Variants in UPF2 observed in about 807,000 individuals in gnomAD.
The protein encoded by UPF2 is regulator of nonsense transcripts 2.
UPF2 carries 17 observed loss-of-function variants against 141.4 expected under a neutral mutation model. The ratio of observed to expected loss-of-function variants is 0.12; its 90% CI spans 0.08 to 0.18. UPF2 has a LOEUF of 0.18. UPF2 is among the 10% of genes least tolerant of loss of function. The pLI is 1.00. For missense variants in UPF2, 1,152 were observed against 1,515.9 expected (o/e 0.76, Z 3.99); for synonymous variants, 540 against 498.0 (o/e 1.08, Z -1.12).
At chr10:11,988,274 A>C (rs186417273) in intron 8 of UPF2, among the ~76,000 whole-genome samples, 270 of 152,322 alleles carry the variant, frequency 1.8e-3, no homozygotes, top group Non-Finnish European at 2.8e-3. Context: ...AACACAATGT[A>C]AATGCTATAT....
intron 3 of UPF2, among the ~76,000 whole-genome samples, chr10:12,022,647 G>A (rs1220757321): frequency 1.3e-5 from 2 of 152,034 alleles, no homozygotes; most frequent in South Asian, 2.1e-4. Context: ...AAAGTACAGA[G>A]AAGTAACATC....
At chr10:12,002,858 G>C (rs906818512) in intron 5 of UPF2, among the ~76,000 whole-genome samples, 1 of 152,030 alleles carries the variant, frequency 6.6e-6, no homozygotes. Context: ...TAAAATTCTC[G>C]TAAATAAAAA....
intron 3 of UPF2, among the ~76,000 whole-genome samples, chr10:12,020,587 T>A (rs1232310518): frequency 2.6e-5 from 4 of 152,220 alleles, no homozygotes; most frequent in Non-Finnish European, 5.9e-5. Context: ...CATTCAAATG[T>A]CTTTCAGAAA....
rs537983957 is a variant in UPF2, at chr10:11,982,139, T to TATTC, written c.1845-2978_1845-2975dup. On this transcript the variant is annotated intron_variant, in intron 8 of 21. Transcript: ENST00000357604. ...CAAATTTTAGTTAGAATATTAAGGT[T>TATTC]ATTCATTTTCCACATCCATTTTAAC... Among the ~76,000 whole-genome samples, 235 of 152,348 alleles carry TATTC rather than the reference T, an allele frequency of 1.5e-3. 1 individual carries two copies. Among genetic ancestry groups the TATTC allele is most frequent in the African/African-American group, 5.2e-3 (217 of 41,594 alleles).
In UPF2 at chr10:12,042,346, C is replaced by G. The variant is rs1396292415; in HGVS notation, c.-19+409G>C. ...TCCCCACTCCGCAGCCTCCCACACA[C>G]GCGCCCTCCCCACTTTCTCGCCCTC... On this transcript the variant is annotated intron_variant, in intron 1 of 21. Transcript: ENST00000357604. The surrounding 1 kb of genome is among the most constrained non-coding windows in gnomAD (Gnocchi z 5.5). 1.3e-5 allele frequency among the ~76,000 whole-genome samples: 2 copies of G among 152,142 alleles called. No individual in the cohort carries two copies. Among genetic ancestry groups the G allele is most frequent in the East Asian group, 1.9e-4 (1 of 5,176 alleles).
At chr10:11,989,586 G>A (rs1464340398) in intron 8 of UPF2, among the ~76,000 whole-genome samples, 1 of 152,180 alleles carries the variant, frequency 6.6e-6, no homozygotes, top group African/African-American at 2.4e-5. Context: ...TAACTTACTA[G>A]AGAAATATTA....
chr10:11,986,790 C>A (rs1833698878), intron 8 of UPF2, among the ~76,000 whole-genome samples: 1 of 152,174 alleles, frequency 6.6e-6, no homozygotes, highest in African/African-American at 2.4e-5. Flanking sequence ...ACAGCGCCAC[C>A]AGGTGGTGCA....
At chr10:12,032,661 C>A (rs183017187) in intron 2 of UPF2, among the ~76,000 whole-genome samples, 87 of 150,770 alleles carry the variant, frequency 5.8e-4, no homozygotes, top group African/African-American at 2.0e-3. Context: ...TCACTTGAGC[C>A]CAGAAGGCAG....
chr10:11,955,611 C>T, intron 13 of UPF2, 104 bp from the exon 14 acceptor site: 1 of 1,128,902 alleles, frequency 8.9e-7, no homozygotes, highest in Non-Finnish European at 1.2e-6. Context: ...ACTGAAAGAA[C>T]ACTGAATAGA....
chr10:12,013,485 G>C (rs902980086), intron 4 of UPF2, among the ~76,000 whole-genome samples: 6 of 151,960 alleles, frequency 3.9e-5, no homozygotes, highest in Admixed American at 2.0e-4. Flanking sequence ...ATGTTGGTCA[G>C]GCTGGTCTTG....
chr10:12,001,599 A>G (rs1021114956), intron 6 of UPF2, 77 bp downstream of exon 6: 2 of 1,338,784 alleles, frequency 1.5e-6, no homozygotes, highest in African/African-American at 3.0e-5. Flanking sequence ...ATTAAGGAGA[A>G]AAGATCTATA....
rs76195575 is a variant in UPF2 at position 12,003,172 on chromosome 10, G to A, written c.1505-1347C>T. On this transcript the variant is annotated intron_variant, in intron 5 of 21. Coordinates refer to ENST00000357604, the MANE Select transcript of UPF2 (RefSeq NM_015542.4). ...CTAAGCACCAGGAATATACCTGTGAGTACAGCAGAGAAAAACTCCTGCCCA... is the reference window on the plus strand; with the variant it reads ...CTAAGCACCAGGAATATACCTGTGAATACAGCAGAGAAAAACTCCTGCCCA... 5.3e-3 allele frequency among the ~76,000 whole-genome samples: 801 copies of A among 152,206 alleles called. 18 individuals are homozygous for A. The highest frequency in any genetic ancestry group is 0.011 in the East Asian group (57 of 5,182).
At position 11,938,853 on chromosome 10, in the gene UPF2, GTTTTTTTTT is replaced by G. The variant is rs58106776; in HGVS notation, c.3379-2150_3379-2142del. Among the ~76,000 whole-genome samples the G allele has an allele frequency of 6.8e-3, 541 of 79,842 alleles. 4 individuals are homozygous for G. The highest frequency in any genetic ancestry group is 0.022 in the African/African-American group (446 of 20,122). 52.4% of individuals were successfully genotyped at this position (79,842 alleles called of 152,430 possible). A position where few individuals can be genotyped will look rare whatever the true frequency, so the allele number is the denominator to read the frequency against. On this transcript the variant is annotated intron_variant, in intron 18 of 21. Transcript: ENST00000357604. ...GTGGTCTTAAGCAAGTTTTTTTTTT[GTTTTTTTTT>G]TTTTTTTTTTTTTTTTTTTTGGAGA...
intron 11 of UPF2, among the ~76,000 whole-genome samples, chr10:11,961,503 G>C (rs1339500339): frequency 4.6e-5 from 7 of 151,984 alleles, no homozygotes. Flanking sequence ...AGCAGCAGAA[G>C]AGGGAAGAGG....
At chr10:11,967,252 C>A (rs1833335996) in intron 10 of UPF2, 89 bp downstream of exon 10, 6 of 778,166 alleles carry the variant, frequency 7.7e-6, no homozygotes, top group Non-Finnish European at 7.5e-6. Flanking sequence ...TTGGATTAAT[C>A]AAATATTAAA....
chr10:11,980,330 A>G lies in UPF2; in HGVS notation c.1845-1165T>C, dbSNP rs1833571222. ...TGATAAAAGCAGCTTAACTGACAGC[A>G]GCAAATAATGGAGCTGACAGTGAGA... On this transcript the variant is annotated intron_variant, in intron 8 of 21. Transcript: ENST00000357604. The surrounding 1 kb of genome is among the most constrained non-coding windows in gnomAD (Gnocchi z 4.2). Among the ~76,000 whole-genome samples, 1 of 152,256 alleles carries G rather than the reference A, an allele frequency of 6.6e-6. No homozygotes were observed. The highest frequency in any genetic ancestry group is 1.5e-5 in the Non-Finnish European group (1 of 68,042).
chr10:12,011,858 T>C (rs958991051), intron 4 of UPF2, among the ~76,000 whole-genome samples: 3 of 151,296 alleles, frequency 2.0e-5, no homozygotes, highest in Non-Finnish European at 2.9e-5. Flanking sequence ...GGCAGGAGAA[T>C]TGCTTGAACC....
intron 8 of UPF2, among the ~76,000 whole-genome samples, chr10:11,995,781 C>A (rs1833855613): frequency 2.7e-5 from 4 of 150,674 alleles, no homozygotes; most frequent in South Asian, 2.1e-4. Flanking sequence ...GACTCTGTAT[C>A]AAAAAAAAAG....
chr10:11,945,046 G>A (rs957579658), intron 16 of UPF2, among the ~76,000 whole-genome samples: 1 of 152,192 alleles, frequency 6.6e-6, no homozygotes, highest in Non-Finnish European at 1.5e-5. Context: ...CAGTAACCAT[G>A]AACAATAAAT....
Sources: gnomAD v4.1 joint callset for allele counts (sites outside exome capture counted in the v4.1 genomes callset) on GRCh38, gnomAD v4.1.1 for gene constraint, Gnocchi (gnomAD v3.1) non-coding constraint, MANE v1.5 for transcripts, NCBI Gene and HGNC (gene_info 2026-07-23, HGNC 2026-07-21) for gene names.